CLCNKA: variants seen among roughly 807,000 people sequenced by gnomAD.
CLCNKA encodes chloride voltage-gated channel Ka.
A neutral mutation model predicts 83.3 loss-of-function variants in CLCNKA; 66 were observed. The ratio of observed to expected loss-of-function variants is 0.79; its 90% CI spans 0.65 to 0.97. The LOEUF is 0.97. Among genes scored for constraint, CLCNKA ranks in the 50% least tolerant of loss-of-function variants. CLCNKA has a pLI of 0.00. For missense variants in CLCNKA, 806 were observed against 888.7 expected, an observed-to-expected ratio of 0.91 and a Z score of 1.18; for synonymous variants, 357 against 370.4, an observed-to-expected ratio of 0.96 and a Z score of 0.42.
intron 7 of CLCNKA, 69 bp downstream of exon 7, chr1:16,026,844 G>A: frequency 6.3e-7 from 1 of 1,583,954 alleles, no homozygotes; most frequent in Non-Finnish European, 8.7e-7. Context: ...GGGCTCCCTC[G>A]GCCCAGCTGA....
intron 2 of CLCNKA, among the ~76,000 whole-genome samples, chr1:16,023,248 G>A (rs888532874): frequency 2.6e-5 from 4 of 152,324 alleles, no homozygotes; most frequent in Non-Finnish European, 4.4e-5. Context: ...GCGGGCCAGG[G>A]GCATTGCTGG....
At chr1:16,029,088 G>C (rs1557453450) in intron 11 of CLCNKA, 38 bp from the exon 12 acceptor site, 8 of 1,601,800 alleles carry the variant, frequency 5.0e-6, no homozygotes, top group South Asian at 2.2e-5. Flanking sequence ...CCGCTGGGGG[G>C]GGCCCCTCAT....
At position 16,026,188 on chromosome 1, in the gene CLCNKA, A is replaced by T; in HGVS notation, c.439A>T (p.Lys147Ter). 1 of 1,613,872 alleles carries T rather than the reference A, an allele frequency of 6.2e-7. No homozygotes were observed. The highest frequency in any genetic ancestry group is 1.1e-5 in the South Asian group (1 of 91,060). ...DYLDIKNFGA[K>*]VVGLSCTLAT... ...CCTGGATATCAAGAACTTTGGGGCC[A>T]AGGTGGTGGGCCTCTCCTGCACCCT... Residue 147 changes from lysine (K) to a stop codon, truncating the protein, a stop_gained, in exon 5 of 20, where the codon AAG becomes TAG. Transcript: ENST00000331433. LOFTEE classifies it high-confidence loss of function.
In CLCNKA at chr1:16,032,069, G is replaced by C; in HGVS notation, c.1757-134G>C. 10 of 1,167,526 alleles carry C rather than the reference G, an allele frequency of 8.6e-6. No individual in the cohort carries two copies. The South Asian group carries it at 1.0e-4, about 12-fold the overall frequency. The allele number at this position is 1,167,526 out of a possible 1,614,324, so 72.3% of individuals were successfully genotyped here. On this transcript the variant is annotated intron_variant, in intron 16 of 19. Transcript: ENST00000331433. ...TGACATGTCTAAAGAGAGTCGGCTGGGTGCTTGTAAGGCAGTCCCTGGGCA... is the reference window on the plus strand; with the variant it reads ...TGACATGTCTAAAGAGAGTCGGCTGCGTGCTTGTAAGGCAGTCCCTGGGCA...
chr1:16,029,461 G>A (rs552271788), intron 12 of CLCNKA, 162 bp downstream of exon 12: 2 of 1,178,116 alleles, frequency 1.7e-6, no homozygotes, highest in Admixed American at 2.2e-5. Flanking sequence ...GTGGCTTCAG[G>A]TCTCTGGACC....
rs1360040020 is a variant in CLCNKA at position 16,029,989 on chromosome 1, G to C, written c.1322G>C (p.Gly441Ala). The C allele has an allele frequency of 6.2e-7, 1 of 1,611,456 alleles. No individual in the cohort carries two copies. The highest frequency in any genetic ancestry group is 8.5e-7 in the Non-Finnish European group (1 of 1,177,994). ...GGAGCTGCCATCGGGCGCCTCTTGG[G>C]AGAGGCTCTTGCCGTCGCCTTCCCT... is the stretch of plus-strand genomic sequence containing the variant. ...ILGAAIGRLL[G>A]EALAVAFPEG... Residue 441 changes from glycine to alanine, a missense_variant, in exon 14 of 20, where the codon GGA becomes GCA. Physicochemically the swap from Gly to Ala is moderately conservative, Grantham distance 60. Transcript: ENST00000331433.
chr1:16,030,214 C>T, intron 14 of CLCNKA, 139 bp downstream of exon 14: 1 of 739,980 alleles, frequency 1.4e-6, no homozygotes, highest in South Asian at 1.8e-5. Flanking sequence ...GGGGTCTGTC[C>T]CTCCTGAGCC....
chr1:16,031,698 C>G lies in CLCNKA; in HGVS notation c.1623-12C>G. The G allele has an allele frequency of 1.9e-6, 3 of 1,613,594 alleles. No individual in the cohort carries two copies. Among genetic ancestry groups the G allele is most frequent in the Non-Finnish European group, 2.5e-6 (3 of 1,180,032 alleles). On this transcript the variant is annotated splice_polypyrimidine_tract_variant and intron_variant, in intron 15 of 19. Coordinates refer to ENST00000331433, the MANE Select transcript of CLCNKA (RefSeq NM_004070.4). ...CGACTCCGGGACCTGATGGGAGCCCCTCTGCCTGCAGCTCCCACCATGTGA... is the reference window on the plus strand; with the variant it reads ...CGACTCCGGGACCTGATGGGAGCCCGTCTGCCTGCAGCTCCCACCATGTGA...
intron 2 of CLCNKA, among the ~76,000 whole-genome samples, chr1:16,023,499 G>C (rs1237421724): frequency 6.6e-6 from 1 of 152,206 alleles, no homozygotes; most frequent in Non-Finnish European, 1.5e-5. Context: ...ACTGTCACCT[G>C]CCACAAATCC....
rs1460732823 is a variant in CLCNKA at position 16,024,640 on chromosome 1, C to G, written c.230-123C>G. 3.0e-6 allele frequency: 4 copies of G among 1,345,598 alleles called. No individual in the cohort carries two copies. The East Asian group carries it at 9.8e-5, about 33-fold the overall frequency. 83.4% of individuals were successfully genotyped at this position (1,345,598 alleles called of 1,614,324 possible). On this transcript the variant is annotated intron_variant, in intron 3 of 19. Transcript: ENST00000331433. ...CCTTTTCTTGGGGGTCTGCACCTCA[C>G]TCTGTGGCCTGGTCCTCCCCTCTTC...
In CLCNKA at chr1:16,027,990, T is replaced by C. The variant is rs1460651626; in HGVS notation, c.867-28T>C. 8 of 1,613,824 alleles carry C rather than the reference T, an allele frequency of 5.0e-6. No homozygotes were observed. The South Asian group carries it at 6.6e-5, about 13-fold the overall frequency. On this transcript the variant is annotated intron_variant, in intron 9 of 19. Transcript: ENST00000331433. Reference sequence around the variant, plus strand: ...GCGGCCCCTGGTACTGGGGTCAGGCTCTGGTCTTACCTCCCTTCACCCCGC... The same window carrying C: ...GCGGCCCCTGGTACTGGGGTCAGGCCCTGGTCTTACCTCCCTTCACCCCGC...
chr1:16,030,745 C>T (rs982687650), intron 15 of CLCNKA, 71 bp downstream of exon 15: 17 of 1,598,764 alleles, frequency 1.1e-5, no homozygotes, highest in African/African-American at 4.0e-5. Context: ...GTGGAGGGCA[C>T]CTCCAAAAAG....
intron 2 of CLCNKA, 73 bp downstream of exon 2, chr1:16,022,792 CCT>C: frequency 9.1e-7 from 1 of 1,099,600 alleles, no homozygotes. Context: ...TCCCACCCCA[CCT>C]CTCTGCCCAG....
At chr1:16,028,523 C>T (rs2022476684) in intron 10 of CLCNKA, 4 of 670,048 alleles carry the variant, frequency 6.0e-6, no homozygotes, top group African/African-American at 1.8e-5. Flanking sequence ...ATTCTCCTCT[C>T]AATCTCCTGC....
intron 8 of CLCNKA, 98 bp downstream of exon 8, chr1:16,027,533 C>G (rs1463341813): frequency 1.8e-5 from 28 of 1,554,326 alleles, no homozygotes; most frequent in African/African-American, 1.4e-5. Context: ...CTTCCCTTCC[C>G]TCTCTCTCCC....
chr1:16,027,203 A>C, intron 7 of CLCNKA, 107 bp from the exon 8 acceptor site: 5 of 1,491,650 alleles, frequency 3.4e-6, no homozygotes, highest in Non-Finnish European at 4.6e-6. Context: ...TCCGGGCTGT[A>C]GGACAGCAGG....
At chr1:16,023,197 C>A (rs2022210448) in intron 2 of CLCNKA, among the ~76,000 whole-genome samples, 2 of 152,204 alleles carry the variant, frequency 1.3e-5, no homozygotes, top group Admixed American at 1.3e-4. Flanking sequence ...GGCTGGTGCC[C>A]ACAGCCAGTG....
intron 15 of CLCNKA, among the ~76,000 whole-genome samples, chr1:16,030,928 G>A (rs1035572243): frequency 4.6e-5 from 7 of 152,210 alleles, no homozygotes; most frequent in African/African-American, 1.4e-4. Context: ...GATGAGTATT[G>A]CCCCGTGTAC....
chr1:16,022,748 C>T lies in CLCNKA; in HGVS notation c.100+29C>T, dbSNP rs370999241. The T allele has an allele frequency of 1.8e-4, 266 of 1,440,394 alleles. No homozygotes were observed. In the African/African-American group the frequency reaches 3.1e-3, roughly 17 times the overall value. The allele number at this position is 1,440,394 out of a possible 1,614,324, so 89.2% of individuals were successfully genotyped here. A position where few individuals can be genotyped will look rare whatever the true frequency, so the allele number is the denominator to read the frequency against. On this transcript the variant is annotated intron_variant, in intron 2 of 19. Transcript: ENST00000331433. ...AGAGCCAGGTCCTCTTCCCTACCCGCGGGGGACCACTCAGGACATCATTCC... is the reference window on the plus strand; with the variant it reads ...AGAGCCAGGTCCTCTTCCCTACCCGTGGGGGACCACTCAGGACATCATTCC...
Sources: allele counts gnomAD v4.1 joint callset (sites outside exome capture counted in the v4.1 genomes callset), GRCh38; gene constraint gnomAD v4.1.1; transcripts MANE v1.5; gene names NCBI Gene and HGNC (gene_info 2026-07-23, HGNC 2026-07-21).